ZFP69: variants seen among roughly 807,000 people sequenced by gnomAD.
ZFP69 encodes ZFP69 zinc finger protein.
A neutral mutation model predicts 48.9 loss-of-function variants in ZFP69; 35 were observed. The ratio of observed to expected loss-of-function variants is 0.72; its 90% CI spans 0.55 to 0.95. The LOEUF (loss-of-function observed/expected upper bound fraction) is 0.95, where lower values mean the gene tolerates loss of function less well. Among genes scored for constraint, ZFP69 ranks in the 40% least tolerant of loss-of-function variants. The probability of loss-of-function intolerance (pLI) is 0.00; values close to 1 mark genes in which losing one functional copy is unlikely to be tolerated. For synonymous variants in ZFP69, 193 were observed against 216.8 expected (o/e 0.89, Z 0.96); for missense variants, 557 against 638.4 (o/e 0.87, Z 1.37).
intron 5 of ZFP69, among the ~76,000 whole-genome samples, chr1:40,491,763 ATGTGTGTG>A (rs1553129549): frequency 1.5e-5 from 2 of 129,400 alleles, no homozygotes; most frequent in African/African-American, 5.7e-5. Flanking sequence ...GTGTGTGTGT[ATGTGTGTG>A]TGTGTGTGTG....
chr1:40,479,581 GAGA>G lies in ZFP69; in HGVS notation c.127+96_127+98del, dbSNP rs1209275877. 2.8e-6 allele frequency: 4 copies of G among 1,406,640 alleles called. No individual in the cohort carries two copies. The South Asian group carries it at 5.8e-5, about 21-fold the overall frequency. 87.1% of individuals were successfully genotyped at this position (1,406,640 alleles called of 1,614,324 possible). ...TCATTGAAGTGGAGAGAAGGAGGGA[GAGA>G]AGGTCTCTGGGGGTTCATTCTTGTG... On this transcript the variant is annotated intron_variant, in intron 2 of 5. Transcript: ENST00000372706.
intron 3 of ZFP69, among the ~76,000 whole-genome samples, chr1:40,484,263 G>A (rs779954444): frequency 1.3e-5 from 2 of 150,422 alleles, no homozygotes; most frequent in South Asian, 2.1e-4. Flanking sequence ...GCAGTGGTGC[G>A]ATCTCAGCTC....
rs34727760 is a variant in ZFP69, at chr1:40,494,724, AATAT to A, written c.443-183_443-180del. Among the ~76,000 whole-genome samples the A allele has an allele frequency of 3.8e-4, 55 of 143,672 alleles. 1 individual carries two copies. The highest frequency in any genetic ancestry group is 1.2e-3 in the East Asian group (6 of 5,056). The allele number at this position is 143,672 out of a possible 152,430, so 94.3% of individuals were successfully genotyped here. A position where few individuals can be genotyped will look rare whatever the true frequency, so the allele number is the denominator to read the frequency against. ...ATTATATATATATAAATATATATCA[AATAT>A]ATATATATATATAAAATGACACTTT... On this transcript the variant is annotated intron_variant, in intron 5 of 5. Transcript: ENST00000372706.
At chr1:40,489,026 G>C (rs773832587) in intron 3 of ZFP69, 62 bp from the exon 4 acceptor site, 83 of 1,604,348 alleles carry the variant, frequency 5.2e-5, no homozygotes, top group Non-Finnish European at 6.9e-5. Flanking sequence ...AATACTGTCA[G>C]AACTCCTTGG....
chr1:40,487,920 G>T (rs377488147), intron 3 of ZFP69, among the ~76,000 whole-genome samples: 1 of 151,902 alleles, frequency 6.6e-6, no homozygotes, highest in African/African-American at 2.4e-5. Flanking sequence ...GGTGGCGTGC[G>T]CCTGTAATAC....
Position 40,495,852 on chromosome 1 carries a change from A to T in ZFP69, c.1374A>T (p.Lys458Asn). The change falls in exon 6 of 6, where the codon AAA (lysine) becomes AAT (asparagine). Residue 458 changes from lysine to asparagine, a missense_variant. By Grantham distance (94) the Lys-to-Asn change is moderately conservative. Coordinates refer to ENST00000372706, the MANE Select transcript of ZFP69 (RefSeq NM_001320179.2). The stretch of plus-strand genomic sequence containing the variant: ...AGAGGATACACCTTAGCAACCATAA[A>T]ACTGTTCATACAGGAGTGAAAGCAT... ...FRQRIHLSNH[K>N]TVHTGVKAYE... 6.2e-7 allele frequency: 1 copy of T among 1,614,200 alleles called. No individual in the cohort carries two copies. Among genetic ancestry groups the T allele is most frequent in the East Asian group, 2.2e-5 (1 of 44,874 alleles).
At chr1:40,478,694 T>C (rs1242933637) in intron 1 of ZFP69, among the ~76,000 whole-genome samples, 1 of 152,202 alleles carries the variant, frequency 6.6e-6, no homozygotes, top group African/African-American at 2.4e-5. Context: ...ACATTACAAC[T>C]CTATAGAATA....
At chr1:40,494,255 A>ATTTTTTTTTTTTTTTTTTTTTT in intron 5 of ZFP69, among the ~76,000 whole-genome samples, 1 of 123,856 alleles carries the variant, frequency 8.1e-6, no homozygotes, top group Non-Finnish European at 1.6e-5. Flanking sequence ...AAAGATTCAA[A>ATTTTTTTTTTTTTTTTTTTTTT]ATTTTTTTTT....
chr1:40,478,386 T>A (rs1645410847), intron 1 of ZFP69, among the ~76,000 whole-genome samples: 1 of 152,144 alleles, frequency 6.6e-6, no homozygotes, highest in South Asian at 2.1e-4. Flanking sequence ...TTTGAAGACA[T>A]ACCCTCTTCC....
chr1:40,489,994 C>T lies in ZFP69; in HGVS notation c.442+370C>T, dbSNP rs561927244. 1.6e-4 allele frequency among the ~76,000 whole-genome samples: 24 copies of T among 151,832 alleles called. 1 individual carries two copies. The South Asian group carries it at 4.4e-3, about 28-fold the overall frequency. ...AAGCGATTCTCCTGCCTCAGCCTCC[C>T]GAGTAGCTGGGACTACAGTTATGCG... is the stretch of plus-strand genomic sequence containing the variant. On this transcript the variant is annotated intron_variant, in intron 5 of 5. Transcript: ENST00000372706.
At chr1:40,489,434 G>T in intron 4 of ZFP69, 95 bp from the exon 5 acceptor site, 1 of 1,240,210 alleles carries the variant, frequency 8.1e-7, no homozygotes, top group Non-Finnish European at 1.1e-6. Flanking sequence ...CTTTCCACTT[G>T]TGGAGACCCT....
At chr1:40,485,855 ATC>A (rs1645490608) in intron 3 of ZFP69, among the ~76,000 whole-genome samples, 1 of 152,116 alleles carries the variant, frequency 6.6e-6, no homozygotes, top group Non-Finnish European at 1.5e-5. Flanking sequence ...TATGTGATGT[ATC>A]TGTTTTATAT....
At chr1:40,478,986 A>G (rs1039239943) in intron 1 of ZFP69, 50 bp from the exon 2 acceptor site, 3 of 244,846 alleles carry the variant, frequency 1.2e-5, no homozygotes, top group Admixed American at 1.0e-4. Context: ...TTATTCCTGC[A>G]TGGATATTTT....
In ZFP69 at chr1:40,495,893, G is replaced by T. The variant is rs769690997; in HGVS notation, c.1415G>T (p.Cys472Phe). Residue 472 changes from cysteine to phenylalanine, a missense_variant, in exon 6 of 6, where the codon TGT (cysteine) becomes TTT (phenylalanine). Coordinates refer to ENST00000372706, the MANE Select transcript of ZFP69 (RefSeq NM_001320179.2). ...GTGAAAGCATATGAATGCAACCGCTGTGGAAAAGCCTATAGGCATGATTCA... is the reference window on the plus strand; with the variant it reads ...GTGAAAGCATATGAATGCAACCGCTTTGGAAAAGCCTATAGGCATGATTCA... ...TGVKAYECNR[C>F]GKAYRHDSSF... 1 of 1,614,184 alleles carries T rather than the reference G, an allele frequency of 6.2e-7. No individual in the cohort carries two copies.
In ZFP69 at chr1:40,479,225, G is replaced by C; in HGVS notation, c.-137G>C. Reference sequence around the variant, plus strand: ...CAGTCTCTAGGAACCCCCAGGTCCTGGTGCTGCAGGGACACACCAGAGTCC... The same window carrying C: ...CAGTCTCTAGGAACCCCCAGGTCCTCGTGCTGCAGGGACACACCAGAGTCC... On this transcript the variant is annotated 5_prime_UTR_variant, in exon 2 of 6. Transcript: ENST00000372706. The C allele has an allele frequency of 8.9e-7, 1 of 1,121,312 alleles. No homozygotes were observed. Among genetic ancestry groups the C allele is most frequent in the Non-Finnish European group, 1.3e-6 (1 of 767,020 alleles). 69.5% of individuals were successfully genotyped at this position (1,121,312 alleles called of 1,614,324 possible).
chr1:40,495,755 T>TAACA lies in ZFP69; in HGVS notation c.1278_1281dup (p.His428AsnfsTer16). On this transcript the variant is annotated frameshift_variant, in exon 6 of 6. Transcript: ENST00000372706. LOFTEE classifies it high-confidence loss of function. Reference sequence around the variant, plus strand: ...AAAACCTTTAGTCATAGAGCGTATCTAACACATCACCAGAGAATCCATACT... The same window carrying TAACA: ...AAAACCTTTAGTCATAGAGCGTATCTAACAAACACATCACCAGAGAATCCATACT... The TAACA allele has an allele frequency of 6.2e-7, 1 of 1,614,192 alleles. No homozygotes were observed. Among genetic ancestry groups the TAACA allele is most frequent in the Non-Finnish European group, 8.5e-7 (1 of 1,180,032 alleles).
chr1:40,477,839 G>A lies in ZFP69; in HGVS notation c.-382G>A, dbSNP rs895770511. The A allele has an allele frequency of 6.6e-6, 1 of 152,470 alleles. No individual in the cohort carries two copies. Among genetic ancestry groups the A allele is most frequent in the African/African-American group, 2.4e-5 (1 of 41,446 alleles). The allele number at this position is 152,470 out of a possible 1,614,324, so 9.4% of individuals were successfully genotyped here. The stretch of plus-strand genomic sequence containing the variant: ...CACTCTTTACCGCTGAAAACCTCAA[G>A]AGTGAGCACTCCCACGCCCCCGTCT... On this transcript the variant is annotated 5_prime_UTR_variant, in exon 1 of 6. Transcript: ENST00000372706. The surrounding 1 kb of genome is among the most constrained non-coding windows in gnomAD (Gnocchi z 4.0).
chr1:40,484,489 G>C (rs899338901), intron 3 of ZFP69, among the ~76,000 whole-genome samples: 1 of 151,976 alleles, frequency 6.6e-6, no homozygotes, highest in Admixed American at 6.6e-5. Flanking sequence ...GTGAGCCACC[G>C]TGCCCAGCCT....
intron 3 of ZFP69, 30 bp from the exon 4 acceptor site, chr1:40,489,058 G>A (rs774970073): frequency 9.5e-5 from 154 of 1,613,002 alleles, no homozygotes; most frequent in Non-Finnish European, 1.2e-4. Flanking sequence ...GGTGGTCTCC[G>A]GCTAAAAATG....
Sources: gnomAD v4.1 joint callset for allele counts (sites outside exome capture counted in the v4.1 genomes callset) on GRCh38, gnomAD v4.1.1 for gene constraint, Gnocchi (gnomAD v3.1) non-coding constraint, MANE v1.5 for transcripts, NCBI Gene and HGNC (gene_info 2026-07-23, HGNC 2026-07-21) for gene names.